Variants in GRID2 observed in about 807,000 individuals in gnomAD.
GRID2 encodes the protein glutamate receptor ionotropic, delta-2.
Under a neutral mutation model 114.8 loss-of-function variants are expected in GRID2, and 33 were observed. The ratio of observed to expected loss-of-function variants is 0.29; its 90% CI spans 0.22 to 0.38. The LOEUF is 0.38. GRID2 is among the 10% of genes least tolerant of loss of function. The probability of loss-of-function intolerance (pLI) is 1.00; values close to 1 mark genes in which losing one functional copy is unlikely to be tolerated. For synonymous variants in GRID2, 505 were observed against 449.9 expected (o/e 1.12, Z -1.55); for missense variants, 1,184 against 1,257.7 (o/e 0.94, Z 0.89).
chr4:93,225,812 A>T (rs1745418278), intron 7 of GRID2, among the ~76,000 whole-genome samples: 1 of 152,176 alleles, frequency 6.6e-6, no homozygotes, highest in African/African-American at 2.4e-5. Context: ...AAATTGGGAA[A>T]TATATAAAAA....
intron 2 of GRID2, among the ~76,000 whole-genome samples, chr4:92,776,248 A>G (rs1738787054): frequency 6.6e-6 from 1 of 152,176 alleles, no homozygotes; most frequent in African/African-American, 2.4e-5. Context: ...ACAAGATACC[A>G]GTATACTGAT....
chr4:93,659,373 T>G (rs1255983500), intron 14 of GRID2, among the ~76,000 whole-genome samples: 1 of 152,168 alleles, frequency 6.6e-6, no homozygotes, highest in Non-Finnish European at 1.5e-5. Context: ...ATTGTGGGTA[T>G]AGGCTGAGAG....
chr4:92,851,820 G>A (rs914815385), intron 2 of GRID2, among the ~76,000 whole-genome samples: 5 of 151,936 alleles, frequency 3.3e-5, no homozygotes, highest in Non-Finnish European at 7.4e-5. Flanking sequence ...TACAGAGAAA[G>A]TATGTGAAAA....
intron 2 of GRID2, among the ~76,000 whole-genome samples, chr4:92,900,002 G>A (rs10000419): frequency 0.01 from 1,562 of 152,196 alleles, 23 homozygotes; most frequent in African/African-American, 0.035. Flanking sequence ...GGAGGGGAAA[G>A]GATGTAAATT....
At chr4:93,710,146 G>T (rs981282112) in intron 14 of GRID2, among the ~76,000 whole-genome samples, 1 of 152,150 alleles carries the variant, frequency 6.6e-6, no homozygotes, top group Non-Finnish European at 1.5e-5. Context: ...CAATGTTTAG[G>T]CATTGAACAG....
intron 12 of GRID2, among the ~76,000 whole-genome samples, chr4:93,504,096 T>C (rs1451739920): frequency 2.0e-5 from 3 of 152,148 alleles, no homozygotes; most frequent in African/African-American, 4.8e-5. Flanking sequence ...TGGTAACTTA[T>C]TTCTCCTAGT....
intron 4 of GRID2, among the ~76,000 whole-genome samples, chr4:93,111,602 G>A (rs1245234609): frequency 6.6e-6 from 1 of 152,074 alleles, no homozygotes; most frequent in African/African-American, 2.4e-5. Context: ...GCCTGCTATT[G>A]CCTTGTAAAA....
At chr4:93,399,501 G>A (rs892062032) in intron 9 of GRID2, among the ~76,000 whole-genome samples, 6 of 152,036 alleles carry the variant, frequency 3.9e-5, no homozygotes, top group African/African-American at 1.4e-4. Context: ...TATTATTGAC[G>A]AAGATGTAAA....
At chr4:92,867,899 G>A (rs1404811102) in intron 2 of GRID2, among the ~76,000 whole-genome samples, 1 of 152,126 alleles carries the variant, frequency 6.6e-6, no homozygotes, top group African/African-American at 2.4e-5. Flanking sequence ...GCAACTCACA[G>A]GGTAGTGATT....
chr4:92,510,533 C>G (rs1469881134), intron 1 of GRID2, among the ~76,000 whole-genome samples: 1 of 151,616 alleles, frequency 6.6e-6, no homozygotes, highest in Non-Finnish European at 1.5e-5. Flanking sequence ...TAGAAGCAAA[C>G]TCTAGGGAAG....
chr4:92,986,294 A>G (rs1754505832), intron 2 of GRID2, among the ~76,000 whole-genome samples: 1 of 152,202 alleles, frequency 6.6e-6, no homozygotes, highest in Admixed American at 6.5e-5. Context: ...GAAGAATACT[A>G]TTTGTATTAA....
intron 1 of GRID2, among the ~76,000 whole-genome samples, chr4:92,485,923 G>T (rs150756805): frequency 6.6e-6 from 1 of 151,700 alleles, no homozygotes; most frequent in Non-Finnish European, 1.5e-5. Context: ...TGAAATTGTA[G>T]AAATAATGAG....
intron 2 of GRID2, among the ~76,000 whole-genome samples, chr4:93,018,147 T>C (rs1200323830): frequency 6.6e-6 from 1 of 151,480 alleles, no homozygotes; most frequent in South Asian, 2.1e-4. Context: ...TGGGAGATAC[T>C]GAGAACAAAA....
intron 2 of GRID2, among the ~76,000 whole-genome samples, chr4:93,006,541 C>A (rs1213598061): frequency 6.6e-6 from 1 of 151,084 alleles, no homozygotes; most frequent in African/African-American, 2.4e-5. Flanking sequence ...TTTGGTGGCT[C>A]TGTGGCTAAA....
At chr4:92,813,935 C>A (rs557252087) in intron 2 of GRID2, among the ~76,000 whole-genome samples, 2 of 152,172 alleles carry the variant, frequency 1.3e-5, no homozygotes, top group East Asian at 1.9e-4. Context: ...ATTTACCCTG[C>A]CAGTTCTCTG....
At chr4:92,666,650 G>GTTTTTTGTTT (rs1286942855) in intron 2 of GRID2, among the ~76,000 whole-genome samples, 1 of 68,594 alleles carries the variant, frequency 1.5e-5, no homozygotes, top group African/African-American at 5.2e-5. Flanking sequence ...CTTAAGGGTT[G>GTTTTTTGTTT]TTTTTTTTTT....
At chr4:93,305,556 A>G (rs1472778863) in intron 8 of GRID2, among the ~76,000 whole-genome samples, 1 of 152,178 alleles carries the variant, frequency 6.6e-6, no homozygotes, top group Non-Finnish European at 1.5e-5. Flanking sequence ...TGCAAACCAA[A>G]CTAGTGAGAT....
At chr4:92,698,438 A>G (rs1243059719) in intron 2 of GRID2, among the ~76,000 whole-genome samples, 2 of 152,198 alleles carry the variant, frequency 1.3e-5, no homozygotes, top group African/African-American at 4.8e-5. Context: ...ACATGTCACT[A>G]TTAATAACCC....
At chr4:92,366,210 G>A (rs1449240022) in intron 1 of GRID2, among the ~76,000 whole-genome samples, 1 of 151,894 alleles carries the variant, frequency 6.6e-6, no homozygotes, top group African/African-American at 2.4e-5. Context: ...CTATCAAGAA[G>A]CCAGCTAAGT....
Sources: gnomAD v4.1 joint callset for allele counts (sites outside exome capture counted in the v4.1 genomes callset) on GRCh38, gnomAD v4.1.1 for gene constraint, MANE v1.5 for transcripts, NCBI Gene and HGNC (gene_info 2026-07-23, HGNC 2026-07-21) for gene names.